The following PTGFRN variants were observed in gnomAD, a reference collection of about 807,000 sequenced individuals.
PTGFRN encodes the protein prostaglandin F2 receptor negative regulator.
PTGFRN carries 35 observed loss-of-function variants against 83.2 expected under a neutral mutation model. That is an observed-to-expected ratio of 0.42 (90% CI 0.32 to 0.56). The LOEUF is 0.56. PTGFRN is among the 20% of genes least tolerant of loss of function. PTGFRN has a pLI of 0.11. For missense variants in PTGFRN, 1,051 were observed against 1,179.5 expected (o/e 0.89, Z 1.60); for synonymous variants, 519 against 498.6 (o/e 1.04, Z -0.55).
rs773030487 is a variant in PTGFRN, at chr1:116,961,570, A to T, written c.1541A>T (p.Tyr514Phe). 2 of 1,614,166 alleles carry T rather than the reference A, an allele frequency of 1.2e-6. No homozygotes were observed. Among genetic ancestry groups the T allele is most frequent in the Admixed American group, 3.3e-5 (2 of 60,020 alleles). ...ACAGAGGAAGACAGAGGCAATTATTACTGTGTTGTGTCTGCCTGGACCAAA... is the reference window on the plus strand; with the variant it reads ...ACAGAGGAAGACAGAGGCAATTATTTCTGTGTTGTGTCTGCCTGGACCAAA... ...RTTEEDRGNY[Y>F]CVVSAWTKQR... is the part of the protein sequence containing the mutation. The change falls in exon 5 of 9, where the codon TAC becomes TTC. Residue 514 changes from tyrosine (Y) to phenylalanine (F), a missense_variant. Coordinates refer to ENST00000393203, the MANE Select transcript of PTGFRN (RefSeq NM_020440.4). This position sits in a 1 kb window ranked among gnomAD's most constrained non-coding sequence, Gnocchi z 5.4.
rs1446687959 is a variant in PTGFRN at position 116,965,313 on chromosome 1, C to T, written c.1640-1598C>T. On this transcript the variant is annotated intron_variant, in intron 5 of 8. Transcript: ENST00000393203. ...AATTTTATTTTTTTAGAATCACAGT[C>T]TTGCTCTCTCACCCAGGCTCTCTCA... 2.0e-5 allele frequency among the ~76,000 whole-genome samples: 3 copies of T among 152,182 alleles called. No individual in the cohort carries two copies. The East Asian group carries it at 5.8e-4, about 29-fold the overall frequency.
At chr1:116,964,423 T>G (rs1650767556) in intron 5 of PTGFRN, among the ~76,000 whole-genome samples, 1 of 152,188 alleles carries the variant, frequency 6.6e-6, no homozygotes, top group Non-Finnish European at 1.5e-5. Context: ...AGGGCTTTCT[T>G]CCAACTTTAT....
At chr1:116,930,965 T>C (rs1365811635) in intron 1 of PTGFRN, among the ~76,000 whole-genome samples, 1 of 152,244 alleles carries the variant, frequency 6.6e-6, no homozygotes, top group Admixed American at 6.5e-5. Context: ...TGAAGCTTTT[T>C]ATGAATCCCT....
At position 116,967,047 on chromosome 1, in the gene PTGFRN, T is replaced by C. The variant is rs1650859471; in HGVS notation, c.1776T>C (p.Pro592=). The stretch of plus-strand genomic sequence containing the variant: ...CTGTTCTCATCATGGCTGAGAAGCC[T>C]GTCGGCGACCTCTCCAGTCCCAATG... ...RYSVLIMAEK[P]VGDLSSPNET... Residue 592 remains proline, a synonymous_variant, in exon 6 of 9, where the codon CCT becomes CCC. Coordinates refer to ENST00000393203, the MANE Select transcript of PTGFRN (RefSeq NM_020440.4). The C allele has an allele frequency of 6.2e-7, 1 of 1,614,110 alleles. No individual in the cohort carries two copies. The highest frequency in any genetic ancestry group is 1.3e-5 in the African/African-American group (1 of 74,954).
Position 116,949,568 on chromosome 1 carries a change from G to A in PTGFRN, c.1209G>A (p.Trp403Ter). 1 of 1,611,700 alleles carries A rather than the reference G, an allele frequency of 6.2e-7. No individual in the cohort carries two copies. Among genetic ancestry groups the A allele is most frequent in the South Asian group, 1.1e-5 (1 of 90,826 alleles). ...CCCCAGCTGGTGTGGGTGTGACCTG[G>A]CTAGGTGAGTGGTTTGGAGAATGAC... is the stretch of plus-strand genomic sequence containing the variant. ...VSSPAGVGVT[W>*]LEPDYQVYLN... Residue 403 changes from tryptophan to a stop codon, truncating the protein, a stop_gained, in exon 4 of 9, where the codon TGG becomes TGA. Coordinates refer to ENST00000393203, the MANE Select transcript of PTGFRN (RefSeq NM_020440.4). LOFTEE classifies it high-confidence loss of function.
rs1310406144 is a variant in PTGFRN, at chr1:116,949,267, C to T, written c.908C>T (p.Thr303Ile). The T allele has an allele frequency of 7.4e-6, 12 of 1,614,174 alleles. No homozygotes were observed. The highest frequency in any genetic ancestry group is 1.7e-5 in the Admixed American group (1 of 60,030). Residue 303 changes from threonine to isoleucine, a missense_variant, in exon 4 of 9, where the codon ACA (threonine) becomes ATA (isoleucine). Around this residue, in one of 3 missense-constraint regions of PTGFRN, gnomAD observed 719 missense variants for 836.6 expected, o/e 0.86. Transcript: ENST00000393203. Reference protein sequence around the residue: ...KELDLTCNITTDRADDVRPEV... With the variant: ...KELDLTCNITIDRADDVRPEV... Reference sequence around the variant, plus strand: ...CTGGACCTGACCTGTAACATCACAACAGACCGAGCCGATGACGTCCGGCCC... The same window carrying T: ...CTGGACCTGACCTGTAACATCACAATAGACCGAGCCGATGACGTCCGGCCC...
intron 2 of PTGFRN, among the ~76,000 whole-genome samples, chr1:116,943,124 G>A (rs183558705): frequency 4.2e-4 from 64 of 152,312 alleles, no homozygotes; most frequent in Non-Finnish European, 7.9e-4. Flanking sequence ...TATAAAAAGC[G>A]AGGGTTGATT....
At chr1:116,975,996 A>G (rs1207926674) in intron 7 of PTGFRN, among the ~76,000 whole-genome samples, 1 of 152,228 alleles carries the variant, frequency 6.6e-6, no homozygotes, top group Non-Finnish European at 1.5e-5. Context: ...ACGAATGGCT[A>G]AATAGAATAA....
rs183173773 is a variant in PTGFRN at position 116,976,252 on chromosome 1, G to A, written c.2167+1929G>A. Among the ~76,000 whole-genome samples the A allele has an allele frequency of 9.8e-5, 15 of 152,340 alleles. No homozygotes were observed. The East Asian group carries it at 2.9e-3, about 29-fold the overall frequency. Reference sequence around the variant, plus strand: ...AAGACCAAATCTGTGTCTGATTGGTGTACCTGAAAGTGATGGGGAGAATGG... The same window carrying A: ...AAGACCAAATCTGTGTCTGATTGGTATACCTGAAAGTGATGGGGAGAATGG... On this transcript the variant is annotated intron_variant, in intron 7 of 8. Coordinates refer to ENST00000393203, the MANE Select transcript of PTGFRN (RefSeq NM_020440.4).
intron 1 of PTGFRN, among the ~76,000 whole-genome samples, chr1:116,938,196 A>G (rs1649970327): frequency 6.6e-6 from 1 of 152,230 alleles, no homozygotes; most frequent in South Asian, 2.1e-4. Context: ...CCAGTGACAG[A>G]AATTACCTTT....
intron 1 of PTGFRN, among the ~76,000 whole-genome samples, chr1:116,938,564 C>T (rs2101061511): frequency 6.6e-6 from 1 of 152,290 alleles, no homozygotes; most frequent in South Asian, 2.1e-4. Context: ...TCCATTACCT[C>T]CCACCAGGTC....
chr1:116,923,421 T>C lies in PTGFRN; in HGVS notation c.49+13169T>C, dbSNP rs1054710788. Among the ~76,000 whole-genome samples, 3 of 152,300 alleles carry C rather than the reference T, an allele frequency of 2.0e-5. No individual in the cohort carries two copies. The highest frequency in any genetic ancestry group is 2.9e-5 in the Non-Finnish European group (2 of 68,022). On this transcript the variant is annotated intron_variant, in intron 1 of 8. Transcript: ENST00000393203. This position sits in a 1 kb window ranked among gnomAD's most constrained non-coding sequence, Gnocchi z 4.0. Reference sequence around the variant, plus strand: ...GTAGAGTAGGAAAAAATGAAATCTATACATGTTAAAGAAGGGGTGAGAAAA... The same window carrying C: ...GTAGAGTAGGAAAAAATGAAATCTACACATGTTAAAGAAGGGGTGAGAAAA...
rs995647055 is a variant in PTGFRN, at chr1:116,988,189, T to C, written c.*1222T>C. ...TTTAAGGTCCACTGCAGGGGGTTAGTGAGAAAGGGTATACTTTGTGGTATG... is the reference window on the plus strand; with the variant it reads ...TTTAAGGTCCACTGCAGGGGGTTAGCGAGAAAGGGTATACTTTGTGGTATG... On this transcript the variant is annotated 3_prime_UTR_variant, in exon 9 of 9. Transcript: ENST00000393203. 5.9e-5 allele frequency: 9 copies of C among 152,178 alleles called. No individual in the cohort carries two copies. The highest frequency in any genetic ancestry group is 5.2e-4 in the Admixed American group (8 of 15,288). The allele number at this position is 152,178 out of a possible 1,614,324, so 9.4% of individuals were successfully genotyped here.
chr1:116,909,972 C>T lies in PTGFRN; in HGVS notation c.-232C>T. 1.8e-6 allele frequency: 1 copy of T among 568,042 alleles called. No individual in the cohort carries two copies. Among genetic ancestry groups the T allele is most frequent in the South Asian group, 2.0e-5 (1 of 49,818 alleles). 35.2% of individuals were successfully genotyped at this position (568,042 alleles called of 1,614,324 possible). On this transcript the variant is annotated 5_prime_UTR_variant, in exon 1 of 9. Transcript: ENST00000393203. ...CACACTCGGATCGGCGGGGCCGGCT[C>T]CCGGGCCCGGCCGGCTGGAGGAGGG...
At position 116,923,926 on chromosome 1, in the gene PTGFRN, C is replaced by T. The variant is rs1024504866; in HGVS notation, c.49+13674C>T. Among the ~76,000 whole-genome samples the T allele has an allele frequency of 1.3e-5, 2 of 152,014 alleles. No individual in the cohort carries two copies. Among genetic ancestry groups the T allele is most frequent in the African/African-American group, 4.8e-5 (2 of 41,372 alleles). On this transcript the variant is annotated intron_variant, in intron 1 of 8. Coordinates refer to ENST00000393203, the MANE Select transcript of PTGFRN (RefSeq NM_020440.4). The surrounding 1 kb of genome is among the most constrained non-coding windows in gnomAD (Gnocchi z 4.0). ...TCCTTTGACTCCTCCAGCAACCAGT[C>T]TAAATGTGGAGGATGACACACACAC...
At chr1:116,978,101 G>A (rs1348925933) in intron 7 of PTGFRN, among the ~76,000 whole-genome samples, 12 of 152,268 alleles carry the variant, frequency 7.9e-5, no homozygotes, top group African/African-American at 2.4e-4. Context: ...ATACCTCTAC[G>A]CAAATAAACT....
chr1:116,981,055 A>G (rs1651305451), intron 7 of PTGFRN, among the ~76,000 whole-genome samples: 1 of 152,206 alleles, frequency 6.6e-6, no homozygotes, highest in Non-Finnish European at 1.5e-5. Context: ...CTTTGCATTT[A>G]CATATTAGCA....
chr1:116,944,751 C>A lies in PTGFRN; in HGVS notation c.491C>A (p.Pro164His). 3.3e-6 allele frequency: 5 copies of A among 1,503,022 alleles called. No homozygotes were observed. Among genetic ancestry groups the A allele is most frequent in the East Asian group, 2.6e-5 (1 of 38,664 alleles). 93.1% of individuals were successfully genotyped at this position (1,503,022 alleles called of 1,614,324 possible). ...AGCCTGAGCCTGCGGGAGGGGGAGC[C>A]CTTCGAGCTGCGCTGCACCGCCGCC... Reference protein sequence around the residue: ...PPSLSLREGEPFELRCTAASA... With the variant: ...PPSLSLREGEHFELRCTAASA... The change falls in exon 3 of 9, where the codon CCC becomes CAC. Residue 164 changes from proline to histidine, a missense_variant. Pro to His is a moderately conservative substitution (Grantham distance 77). Coordinates refer to ENST00000393203, the MANE Select transcript of PTGFRN (RefSeq NM_020440.4).
chr1:116,937,837 A>G (rs1003122895), intron 1 of PTGFRN, among the ~76,000 whole-genome samples: 1 of 152,188 alleles, frequency 6.6e-6, no homozygotes, highest in Non-Finnish European at 1.5e-5. Context: ...CTCAGCACAT[A>G]ACCGCAGCCC....
Sources: gnomAD v4.1 joint callset for allele counts (sites outside exome capture counted in the v4.1 genomes callset) on GRCh38, gnomAD v4.1.1 for gene constraint, gnomAD v4.1.1 regional missense constraint, Gnocchi (gnomAD v3.1) non-coding constraint, MANE v1.5 for transcripts, NCBI Gene and HGNC (gene_info 2026-07-23, HGNC 2026-07-21) for gene names.